DDX23: variants seen among roughly 807,000 people sequenced by gnomAD.
DDX23 encodes DEAD-box helicase 23.
In DDX23, 33 loss-of-function variants were observed where a neutral mutation model predicts 102.7. The ratio of observed to expected loss-of-function variants is 0.32; its 90% CI spans 0.24 to 0.43. DDX23 has a LOEUF of 0.43. DDX23 is among the 20% of genes least tolerant of loss of function. DDX23 has a pLI of 1.00. For synonymous variants in DDX23, 352 were observed against 376.0 expected, an observed-to-expected ratio of 0.94 and a Z score of 0.74; for missense variants, 549 against 1,086.6, an observed-to-expected ratio of 0.51 and a Z score of 6.96.
chr12:48,833,584 A>C lies in DDX23; in HGVS notation c.1561-65T>G, dbSNP rs550047537. On this transcript the variant is annotated intron_variant, in intron 12 of 16. Transcript: ENST00000308025. ...CCCCTTCTTTTCTTTCCTGTGAACT[A>C]TCCACCCACTTGGGTGACAGACCTC... 48 of 1,568,366 alleles carry C rather than the reference A, an allele frequency of 3.1e-5. No individual in the cohort carries two copies. The East Asian group carries it at 1.1e-3, about 35-fold the overall frequency.
intron 3 of DDX23, 71 bp from the exon 4 acceptor site, chr12:48,840,177 G>A (rs748853437): frequency 1.1e-5 from 14 of 1,237,972 alleles, no homozygotes; most frequent in Middle Eastern, 2.0e-4. Flanking sequence ...GTTGAGCCCC[G>A]AAAAGAGAAT....
At chr12:48,844,202 A>C in intron 2 of DDX23, 152 bp from the exon 3 acceptor site, 3 of 747,258 alleles carry the variant, frequency 4.0e-6, no homozygotes, top group East Asian at 2.6e-5. Flanking sequence ...GAATTCTAAG[A>C]AGCTTTTATA....
chr12:48,830,191 T>G lies in DDX23; in HGVS notation c.*278A>C. 1 of 580,448 alleles carries G rather than the reference T, an allele frequency of 1.7e-6. No homozygotes were observed. The highest frequency in any genetic ancestry group is 3.3e-6 in the Non-Finnish European group (1 of 306,942). 36.0% of individuals were successfully genotyped at this position (580,448 alleles called of 1,614,324 possible). ...AACTGGCTGCCCCCATAGCCTGGCA[T>G]GAGCTGATGGCCCAGTGCAATCCCA... is the stretch of plus-strand genomic sequence containing the variant. On this transcript the variant is annotated 3_prime_UTR_variant, in exon 17 of 17. Coordinates refer to ENST00000308025, the MANE Select transcript of DDX23 (RefSeq NM_004818.3). The surrounding 1 kb of genome is among the most constrained non-coding windows in gnomAD (Gnocchi z 4.9).
At chr12:48,851,555 T>C (rs1022181929) in intron 1 of DDX23, among the ~76,000 whole-genome samples, 6 of 152,098 alleles carry the variant, frequency 3.9e-5, no homozygotes, top group East Asian at 3.8e-4. Flanking sequence ...GGCTCAGATG[T>C]AGTAATACAG....
intron 5 of DDX23, among the ~76,000 whole-genome samples, chr12:48,838,699 A>C (rs1938501129): frequency 6.6e-6 from 1 of 151,600 alleles, no homozygotes. Flanking sequence ...AAAAAATACA[A>C]AAAATTAGCC....
rs1227123220 is a variant in DDX23, at chr12:48,842,309, C to T, written c.320+1631G>A. On this transcript the variant is annotated intron_variant, in intron 3 of 16. Transcript: ENST00000308025. The stretch of plus-strand genomic sequence containing the variant: ...CCCCGGCCCGGCCAGCCGCCCTGTC[C>T]GGGAGGTGAGGGGCGCCTCTGCCCG... Among the ~76,000 whole-genome samples, 1,171 of 129,274 alleles carry T rather than the reference C, an allele frequency of 9.1e-3. 21 individuals carry two copies. Among genetic ancestry groups the T allele is most frequent in the African/African-American group, 0.033 (1,107 of 33,712 alleles). The allele number at this position is 129,274 out of a possible 152,430, so 84.8% of individuals were successfully genotyped here.
chr12:48,835,676 C>T (rs1374257588), intron 11 of DDX23, among the ~76,000 whole-genome samples: 15 of 152,180 alleles, frequency 9.9e-5, no homozygotes, highest in Non-Finnish European at 4.4e-5. Context: ...CGCCATTGCA[C>T]TCCAGCCTGG....
chr12:48,831,337 T>A (rs1592198923), intron 15 of DDX23, 21 bp from the exon 16 acceptor site: 1 of 1,613,036 alleles, frequency 6.2e-7, no homozygotes, highest in East Asian at 2.2e-5. Flanking sequence ...AATGGTGAAG[T>A]GAAGAGTGAG....
chr12:48,836,455 C>T lies in DDX23; in HGVS notation c.1236+114G>A. The T allele has an allele frequency of 1.6e-6, 2 of 1,268,068 alleles. No individual in the cohort carries two copies. Among genetic ancestry groups the T allele is most frequent in the Non-Finnish European group, 2.2e-6 (2 of 899,392 alleles). 78.6% of individuals were successfully genotyped at this position (1,268,068 alleles called of 1,614,324 possible). A position where few individuals can be genotyped will look rare whatever the true frequency, so the allele number is the denominator to read the frequency against. On this transcript the variant is annotated intron_variant, in intron 10 of 16. Coordinates refer to ENST00000308025, the MANE Select transcript of DDX23 (RefSeq NM_004818.3). This position sits in a 1 kb window ranked among gnomAD's most constrained non-coding sequence, Gnocchi z 6.1. The stretch of plus-strand genomic sequence containing the variant: ...TCTACCAGAAAGTGACAGAAAAGGT[C>T]ACATTGGTGCCCACTAGCAGCGATG...
Position 48,832,842 on chromosome 12 carries a change from C to T in DDX23, c.1804-269G>A, listed in dbSNP as rs1052599690. The T allele has an allele frequency of 6.8e-5, 34 of 502,046 alleles. No individual in the cohort carries two copies. Among genetic ancestry groups the T allele is most frequent in the Middle Eastern group, 5.4e-4 (1 of 1,864 alleles). 31.1% of individuals were successfully genotyped at this position (502,046 alleles called of 1,614,324 possible). On this transcript the variant is annotated intron_variant, in intron 13 of 16. Transcript: ENST00000308025. The surrounding 1 kb of genome is among the most constrained non-coding windows in gnomAD (Gnocchi z 4.4). ...CGGTAGCAGCATGAGTCTTTGGAATCGTTTTTCCAGGGCTAAGCTAAATGG... is the reference window on the plus strand; with the variant it reads ...CGGTAGCAGCATGAGTCTTTGGAATTGTTTTTCCAGGGCTAAGCTAAATGG...
At position 48,845,564 on chromosome 12, in the gene DDX23, G is replaced by C. The variant is rs1364554967; in HGVS notation, c.209+10C>G. ...CCCTTCCCATGTAATAACATACAAAGTTACTTTACCTTTCTGCAGATTTGG... is the reference window on the plus strand; with the variant it reads ...CCCTTCCCATGTAATAACATACAAACTTACTTTACCTTTCTGCAGATTTGG... On this transcript the variant is annotated intron_variant, in intron 2 of 16. Transcript: ENST00000308025. 6.2e-7 allele frequency: 1 copy of C among 1,614,004 alleles called. No homozygotes were observed. Among genetic ancestry groups the C allele is most frequent in the African/African-American group, 1.3e-5 (1 of 74,938 alleles).
Position 48,845,775 on chromosome 12 carries a change from C to G in DDX23, c.8G>C (p.Gly3Ala). 1.9e-6 allele frequency: 3 copies of G among 1,614,112 alleles called. No homozygotes were observed. The highest frequency in any genetic ancestry group is 2.5e-6 in the Non-Finnish European group (3 of 1,180,022). MA[G>A]ELADKKDRDA... ...ACGGTCCTTTTTGTCAGCCAGCTCT[C>G]CTGCCATCTGTAATGAGTAGGAAGA... Residue 3 changes from glycine to alanine, a missense_variant, in exon 2 of 17, where the codon GGA becomes GCA. Coordinates refer to ENST00000308025, the MANE Select transcript of DDX23 (RefSeq NM_004818.3).
rs1463002886 is a variant in DDX23, at chr12:48,832,808, C to A, written c.1804-235G>T. On this transcript the variant is annotated intron_variant, in intron 13 of 16. Transcript: ENST00000308025. This position sits in a 1 kb window ranked among gnomAD's most constrained non-coding sequence, Gnocchi z 4.4. ...AAGGATTGAGAGCATTTGCTAGCAC[C>A]TGTGGTCCCGGTAGCAGCATGAGTC... The A allele has an allele frequency of 1.7e-6, 1 of 573,996 alleles. No homozygotes were observed. Among genetic ancestry groups the A allele is most frequent in the East Asian group, 3.0e-5 (1 of 32,818 alleles). 35.6% of individuals were successfully genotyped at this position (573,996 alleles called of 1,614,324 possible).
At chr12:48,845,292 T>C (rs1433016788) in intron 2 of DDX23, among the ~76,000 whole-genome samples, 1 of 150,706 alleles carries the variant, frequency 6.6e-6, no homozygotes, top group Admixed American at 6.6e-5. Flanking sequence ...CTACTAAAAA[T>C]ACAAAAACAT....
At chr12:48,851,173 GAAC>G (rs1437343672) in intron 1 of DDX23, among the ~76,000 whole-genome samples, 1 of 152,200 alleles carries the variant, frequency 6.6e-6, no homozygotes, top group East Asian at 1.9e-4. Flanking sequence ...GAAGTGTTTA[GAAC>G]AACAGGGTTA....
In DDX23 at chr12:48,832,111, G is replaced by A. The variant is rs199901912; in HGVS notation, c.2031C>T (p.Cys677=). Residue 677 remains cysteine (C), a synonymous_variant, in exon 15 of 17, where the codon TGC becomes TGT. Coordinates refer to ENST00000308025, the MANE Select transcript of DDX23 (RefSeq NM_004818.3). This position sits in a 1 kb window ranked among gnomAD's most constrained non-coding sequence, Gnocchi z 4.4. ...IIIFVNQKKG[C]DVLAKSLEKM... Reference sequence around the variant, plus strand: ...TCTCCAGGGATTTGGCCAACACGTCGCAGCCCTTCTTCTGGTTGACAAAAA... The same window carrying A: ...TCTCCAGGGATTTGGCCAACACGTCACAGCCCTTCTTCTGGTTGACAAAAA... The A allele has an allele frequency of 2.4e-5, 38 of 1,613,886 alleles. No homozygotes were observed. In the Middle Eastern group the frequency reaches 5.0e-4, roughly 21 times the overall value.
intron 8 of DDX23, 72 bp downstream of exon 8, chr12:48,837,209 A>G: frequency 6.4e-7 from 1 of 1,559,648 alleles, no homozygotes; most frequent in Admixed American, 1.8e-5. Context: ...TACTTCCTCC[A>G]CCTCCGTAGT....
At chr12:48,844,484 G>A (rs1415662625) in intron 2 of DDX23, among the ~76,000 whole-genome samples, 13 of 151,940 alleles carry the variant, frequency 8.6e-5, no homozygotes, top group Non-Finnish European at 1.5e-5. Context: ...TTGCCATGTT[G>A]GCCAGGCTGC....
At chr12:48,848,154 T>C (rs2076044845) in intron 1 of DDX23, among the ~76,000 whole-genome samples, 1 of 151,838 alleles carries the variant, frequency 6.6e-6, no homozygotes, top group South Asian at 2.1e-4. Flanking sequence ...GGCGTGGTGG[T>C]GGGCGCCTGT....
Sources: gnomAD v4.1 joint callset for allele counts (sites outside exome capture counted in the v4.1 genomes callset) on GRCh38, gnomAD v4.1.1 for gene constraint, Gnocchi (gnomAD v3.1) non-coding constraint, MANE v1.5 for transcripts, NCBI Gene and HGNC (gene_info 2026-07-23, HGNC 2026-07-21) for gene names.